The following EYS variants were observed in gnomAD, a reference collection of about 807,000 sequenced individuals.
EYS encodes the protein EGF-like photoreceptor maintenance factor.
Under a neutral mutation model 282.1 loss-of-function variants are expected in EYS, and 250 were observed. The observed-to-expected ratio is 0.89, with a 90% CI of 0.80 to 0.98. The LOEUF (loss-of-function observed/expected upper bound fraction) is 0.98, where lower values mean the gene tolerates loss of function less well. Among genes scored for constraint, EYS ranks in the 50% least tolerant of loss-of-function variants. The pLI, the probability that EYS is intolerant of heterozygous loss-of-function variation, is 0.00. For missense variants in EYS, 4,016 were observed against 3,709.0 expected, an observed-to-expected ratio of 1.08 and a Z score of -2.15; for synonymous variants, 1,355 against 1,282.9, an observed-to-expected ratio of 1.06 and a Z score of -1.20.
At chr6:63,864,879 T>C (rs1772634529) in intron 35 of EYS, among the ~76,000 whole-genome samples, 2 of 152,154 alleles carry the variant, frequency 1.3e-5, no homozygotes, top group South Asian at 4.1e-4. Flanking sequence ...TAAAATATGG[T>C]TTGGTGGCCC....
At chr6:65,109,296 G>T (rs1775136446) in intron 12 of EYS, among the ~76,000 whole-genome samples, 1 of 151,858 alleles carries the variant, frequency 6.6e-6, no homozygotes, top group East Asian at 1.9e-4. Flanking sequence ...ATTTTTGCAT[G>T]TTAGTAATTT....
At chr6:63,919,402 G>GA (rs112737739) in intron 35 of EYS, among the ~76,000 whole-genome samples, 3,286 of 105,674 alleles carry the variant, frequency 0.031, 100 homozygotes, top group African/African-American at 0.099. Context: ...AGATTTTACT[G>GA]AAAAAAAAAA....
At chr6:65,280,146 C>G (rs1441746733) in intron 12 of EYS, among the ~76,000 whole-genome samples, 2 of 152,232 alleles carry the variant, frequency 1.3e-5, no homozygotes, top group African/African-American at 4.8e-5. Flanking sequence ...CTGACTTCCC[C>G]TACCTACTAA....
intron 26 of EYS, among the ~76,000 whole-genome samples, chr6:64,570,977 A>G (rs1002611489): frequency 1.3e-5 from 2 of 152,136 alleles, no homozygotes; most frequent in Non-Finnish European, 2.9e-5. Flanking sequence ...CAGAATATAC[A>G]TTCTTCTCAC....
chr6:64,893,726 C>T (rs539514800), intron 18 of EYS, among the ~76,000 whole-genome samples: 1 of 151,828 alleles, frequency 6.6e-6, no homozygotes, highest in African/African-American at 2.4e-5. Flanking sequence ...CCATATTTAA[C>T]TCATCTTAGT....
chr6:65,616,665 A>C (rs1485046113), intron 2 of EYS, among the ~76,000 whole-genome samples: 1 of 151,484 alleles, frequency 6.6e-6, no homozygotes, highest in African/African-American at 2.4e-5. Flanking sequence ...ACGTGCCTGT[A>C]CTCCTAGCTA....
intron 24 of EYS, among the ~76,000 whole-genome samples, chr6:64,596,228 G>T (rs1242198173): frequency 7.1e-6 from 1 of 140,770 alleles, no homozygotes; most frequent in East Asian, 2.1e-4. Context: ...ACTGGGGATT[G>T]CAATTTAACA....
At chr6:64,931,760 T>C (rs765128800) in intron 15 of EYS, among the ~76,000 whole-genome samples, 4 of 152,122 alleles carry the variant, frequency 2.6e-5, no homozygotes, top group Non-Finnish European at 5.9e-5. Context: ...CTATTGTTGA[T>C]TCTACTTTCT....
chr6:65,464,235 G>A (rs1764917824), intron 5 of EYS, among the ~76,000 whole-genome samples: 1 of 152,050 alleles, frequency 6.6e-6, no homozygotes, highest in Non-Finnish European at 1.5e-5. Flanking sequence ...GGAGACACAG[G>A]AGATATGAAG....
chr6:65,438,282 G>A (rs1437361045), intron 5 of EYS, among the ~76,000 whole-genome samples: 1 of 151,992 alleles, frequency 6.6e-6, no homozygotes, highest in Non-Finnish European at 1.5e-5. Flanking sequence ...TTGGTTCCAA[G>A]TCTTTGCTAT....
At chr6:64,130,627 TAAAA>T (rs113104299) in intron 31 of EYS, among the ~76,000 whole-genome samples, 3 of 146,084 alleles carry the variant, frequency 2.1e-5, no homozygotes, top group Non-Finnish European at 4.5e-5. Flanking sequence ...AAAGTATAAT[TAAAA>T]AAAAAAAGTT....
At chr6:63,797,111 A>T (rs192705554) in intron 37 of EYS, 1 of 152,230 alleles carries the variant, frequency 6.6e-6, no homozygotes, top group African/African-American at 2.4e-5. Context: ...TCTTTTGATT[A>T]AATATTCTTA....
At chr6:64,535,259 G>A (rs1764482670) in intron 26 of EYS, among the ~76,000 whole-genome samples, 1 of 152,070 alleles carries the variant, frequency 6.6e-6, no homozygotes, top group African/African-American at 2.4e-5. Flanking sequence ...CTGACTTTAA[G>A]GCCTTAGAAT....
At chr6:63,909,480 C>G (rs1395353322) in intron 35 of EYS, among the ~76,000 whole-genome samples, 3 of 152,164 alleles carry the variant, frequency 2.0e-5, no homozygotes, top group Non-Finnish European at 4.4e-5. Context: ...GCTGGTACCC[C>G]AGTTCTAGTG....
intron 11 of EYS, among the ~76,000 whole-genome samples, chr6:65,317,200 T>G (rs1769317542): frequency 6.6e-6 from 1 of 152,192 alleles, no homozygotes. Flanking sequence ...CAGCTAAACC[T>G]AGATCTTTGT....
At chr6:64,653,636 C>T (rs1012166105) in intron 22 of EYS, among the ~76,000 whole-genome samples, 11 of 152,024 alleles carry the variant, frequency 7.2e-5, no homozygotes, top group Non-Finnish European at 1.5e-4. Context: ...GTGACTGTGG[C>T]TCACTGCAGC....
chr6:64,965,239 G>C (rs543460730), intron 14 of EYS, among the ~76,000 whole-genome samples: 1 of 151,876 alleles, frequency 6.6e-6, no homozygotes, highest in East Asian at 1.9e-4. Flanking sequence ...ATACTTTAGC[G>C]AACAGAATTG....
rs67505285 is a variant in EYS, at chr6:65,120,460, C to CAAAAAAAAAAAA, written c.2024-62745_2024-62734dup. On this transcript the variant is annotated intron_variant, in intron 12 of 42. Coordinates refer to ENST00000503581, the MANE Select transcript of EYS (RefSeq NM_001142800.2). ...ACATTACTCTTTTTCTTTAAATAAG[C>CAAAAAAAAAAAA]AAAAAAAAAAAAAAAAAAAAAAAAT... is the stretch of plus-strand genomic sequence containing the variant. Among the ~76,000 whole-genome samples, 67 of 68,258 alleles carry CAAAAAAAAAAAA rather than the reference C, an allele frequency of 9.8e-4. 5 individuals are homozygous for CAAAAAAAAAAAA. The highest frequency in any genetic ancestry group is 3.6e-3 in the African/African-American group (60 of 16,726). 44.8% of individuals were successfully genotyped at this position (68,258 alleles called of 152,430 possible). A position where few individuals can be genotyped will look rare whatever the true frequency, so the allele number is the denominator to read the frequency against.
At chr6:64,635,231 G>A (rs576928508) in intron 22 of EYS, among the ~76,000 whole-genome samples, 275 of 152,260 alleles carry the variant, frequency 1.8e-3, no homozygotes, top group African/African-American at 6.2e-3. Flanking sequence ...GGGCTGAGAC[G>A]ATGGGGTTTT....
Sources: allele counts gnomAD v4.1 joint callset (sites outside exome capture counted in the v4.1 genomes callset), GRCh38; gene constraint gnomAD v4.1.1; transcripts MANE v1.5; gene names NCBI Gene and HGNC (gene_info 2026-07-23, HGNC 2026-07-21).